WDHD1: variants seen among roughly 807,000 people sequenced by gnomAD.
WDHD1 encodes the protein WD repeat and HMG-box DNA-binding protein 1.
A neutral mutation model predicts 135.4 loss-of-function variants in WDHD1; 111 were observed. The observed-to-expected ratio is 0.82, with a 90% CI of 0.70 to 0.96. The LOEUF (loss-of-function observed/expected upper bound fraction) is 0.96. WDHD1 is among the 40% of genes least tolerant of loss of function. WDHD1 has a pLI of 0.00. For missense variants in WDHD1, 1,351 were observed against 1,336.3 expected (o/e 1.01, Z -0.17); for synonymous variants, 434 against 439.0 (o/e 0.99, Z 0.14).
chr14:54,963,295 A>T, intron 18 of WDHD1, 123 bp from the exon 19 acceptor site: 1 of 739,904 alleles, frequency 1.4e-6, no homozygotes, highest in Non-Finnish European at 2.2e-6. Flanking sequence ...CCTAATTCTA[A>T]GATGCACATT....
intron 24 of WDHD1, among the ~76,000 whole-genome samples, chr14:54,954,109 T>TA (rs1566707675): frequency 1.4e-5 from 2 of 145,434 alleles, no homozygotes; most frequent in African/African-American, 5.2e-5. Context: ...AGCTTAAAAG[T>TA]ATTTAAAAAA....
intron 5 of WDHD1, 77 bp from the exon 6 acceptor site, chr14:55,008,443 A>C (rs886967673): frequency 4.7e-5 from 71 of 1,518,280 alleles, no homozygotes; most frequent in Non-Finnish European, 6.2e-5. Flanking sequence ...TAATTAAATC[A>C]AAAAGCCCTT....
chr14:55,012,524 G>A (rs561738631), intron 3 of WDHD1, among the ~76,000 whole-genome samples: 5 of 152,232 alleles, frequency 3.3e-5, no homozygotes, highest in South Asian at 2.1e-4. Flanking sequence ...AAACATTCCC[G>A]TTTTCTAGAA....
At chr14:54,945,747 G>A (rs2040912480) in intron 24 of WDHD1, among the ~76,000 whole-genome samples, 1 of 152,002 alleles carries the variant, frequency 6.6e-6, no homozygotes, top group Non-Finnish European at 1.5e-5. Flanking sequence ...CACCATATTG[G>A]CCAGGTGGGT....
rs1349564077 is a variant in WDHD1 at position 54,955,678 on chromosome 14, T to C, written c.2933A>G (p.Tyr978Cys). The C allele has an allele frequency of 6.3e-7, 1 of 1,580,884 alleles. No individual in the cohort carries two copies. The highest frequency in any genetic ancestry group is 8.6e-7 in the Non-Finnish European group (1 of 1,167,472). ...AGTTTGAGAATTTCTTTTCTGGAAA[T>C]AGGATGCTGCAGATGCCTATAAAAA... The part of the protein sequence containing the change: ...PKPKQASAAS[Y>C]FQKRNSQTNK... The change falls in exon 24 of 26, where the codon TAT (tyrosine) becomes TGT (cysteine). Residue 978 changes from tyrosine (Y) to cysteine (C), a missense_variant. Tyr to Cys is a radical substitution (Grantham distance 194). Transcript: ENST00000360586.
intron 11 of WDHD1, among the ~76,000 whole-genome samples, chr14:54,995,330 T>C (rs1375330020): frequency 2.0e-5 from 3 of 152,034 alleles, no homozygotes; most frequent in African/African-American, 4.8e-5. Flanking sequence ...ACTTTCTCTA[T>C]AGGTTTTCTG....
At chr14:55,013,774 TG>T (rs2042214843) in intron 2 of WDHD1, among the ~76,000 whole-genome samples, 178 bp from the exon 3 acceptor site, 4 of 152,058 alleles carry the variant, frequency 2.6e-5, no homozygotes, top group Non-Finnish European at 4.4e-5. Context: ...GGCATGGTTA[TG>T]TGTACCTGTA....
At chr14:54,942,208 G>A (rs983170895) in intron 25 of WDHD1, among the ~76,000 whole-genome samples, 10 of 151,788 alleles carry the variant, frequency 6.6e-5, no homozygotes, top group South Asian at 4.2e-4. Flanking sequence ...CTGAGATCAC[G>A]CCACTGCACT....
chr14:54,953,742 A>T (rs1307641042), intron 24 of WDHD1, among the ~76,000 whole-genome samples: 4 of 152,192 alleles, frequency 2.6e-5, no homozygotes, highest in Non-Finnish European at 5.9e-5. Context: ...TCAATGATAG[A>T]CTAGATTAAG....
In WDHD1 at chr14:55,000,553, C is replaced by T; in HGVS notation, c.892G>A (p.Gly298Arg). 3 of 1,608,288 alleles carry T rather than the reference C, an allele frequency of 1.9e-6. No individual in the cohort carries two copies. The highest frequency in any genetic ancestry group is 2.5e-6 in the Non-Finnish European group (3 of 1,177,018). ...GGGTCACAAACATTCTCTAGAAGCC[C>T]TAGATTTCCTTCCGCATCAGTATAC... ...ISYTDAEGNL[G>R]LLENVCDPSG... The change falls in exon 10 of 26, where the codon GGG becomes AGG. Residue 298 changes from glycine (G) to arginine (R), a missense_variant. Gly to Arg is a moderately radical substitution (Grantham distance 125). Coordinates refer to ENST00000360586, the MANE Select transcript of WDHD1 (RefSeq NM_007086.4).
intron 14 of WDHD1, among the ~76,000 whole-genome samples, chr14:54,985,436 A>G (rs1446230416): frequency 6.6e-6 from 1 of 152,222 alleles, no homozygotes; most frequent in Non-Finnish European, 1.5e-5. Context: ...GAGGGCTCGA[A>G]GAACACAAAG....
At chr14:54,970,358 C>A (rs901503219) in intron 16 of WDHD1, among the ~76,000 whole-genome samples, 1 of 152,020 alleles carries the variant, frequency 6.6e-6, no homozygotes. Flanking sequence ...CATTTTTATA[C>A]ACCAATAATG....
chr14:54,977,541 A>T (rs867921437), intron 16 of WDHD1, among the ~76,000 whole-genome samples: 1 of 152,200 alleles, frequency 6.6e-6, no homozygotes, highest in Admixed American at 6.6e-5. Flanking sequence ...CAATAAAGAA[A>T]TATTCTTTAT....
Position 54,967,354 on chromosome 14 carries a change from G to C in WDHD1, c.2104C>G (p.Pro702Ala). ...CKGSRFPPTL[P>A]RPAVAILSFK... ...GATAATATAGCAACAGCAGGGCGTG[G>C]AAGGGTTGGGGGAAACCGAGAACCT... is the stretch of plus-strand genomic sequence containing the variant. The change falls in exon 17 of 26, where the codon CCA becomes GCA. Residue 702 changes from proline (P) to alanine (A), a missense_variant. By Grantham distance (27) the Pro-to-Ala change is conservative. This residue lies in a region of WDHD1 where 1,330 missense variants were observed against 1,296.1 expected (regional missense o/e 1.03). Transcript: ENST00000360586. The C allele has an allele frequency of 6.2e-7, 1 of 1,612,504 alleles. No homozygotes were observed. The highest frequency in any genetic ancestry group is 8.5e-7 in the Non-Finnish European group (1 of 1,178,978).
chr14:54,967,330 A>T lies in WDHD1; in HGVS notation c.2128T>A (p.Ser710Thr). 1 of 1,612,796 alleles carries T rather than the reference A, an allele frequency of 6.2e-7. No homozygotes were observed. The change falls in exon 17 of 26, where the codon TCC (serine) becomes ACC (threonine). Residue 710 changes from serine (S) to threonine (T), a missense_variant. This residue lies in a region of WDHD1 where 1,330 missense variants were observed against 1,296.1 expected (regional missense o/e 1.03). Transcript: ENST00000360586. ...ATCTGACAGTAAGGAAGCTTAAAGG[A>T]TAATATAGCAACAGCAGGGCGTGGA... ...TLPRPAVAILSFKLPYCQIAT... is the reference protein window; with the variant it reads ...TLPRPAVAILTFKLPYCQIAT...
chr14:55,014,496 A>G (rs1440623584), intron 2 of WDHD1, among the ~76,000 whole-genome samples: 1 of 152,224 alleles, frequency 6.6e-6, no homozygotes, highest in Non-Finnish European at 1.5e-5. Context: ...CCCTAGCACC[A>G]AACAGTCTCT....
At position 54,991,417 on chromosome 14, in the gene WDHD1, C is replaced by T; in HGVS notation, c.1154-17G>A. The T allele has an allele frequency of 1.2e-6, 2 of 1,606,710 alleles. No individual in the cohort carries two copies. Among genetic ancestry groups the T allele is most frequent in the Non-Finnish European group, 1.7e-6 (2 of 1,175,158 alleles). ...TTGAAATATCTACAACACAAAGGAT[C>T]ATAATTAAGGGAATCACGAATACCA... On this transcript the variant is annotated splice_polypyrimidine_tract_variant and intron_variant, in intron 11 of 25. Coordinates refer to ENST00000360586, the MANE Select transcript of WDHD1 (RefSeq NM_007086.4).
In WDHD1 at chr14:54,987,332, C is replaced by T. The variant is rs1011237317; in HGVS notation, c.1582G>A (p.Asp528Asn). 7.4e-6 allele frequency: 12 copies of T among 1,613,828 alleles called. No homozygotes were observed. Among genetic ancestry groups the T allele is most frequent in the African/African-American group, 1.3e-5 (1 of 74,854 alleles). Residue 528 changes from aspartate (D) to asparagine (N), a missense_variant, in exon 14 of 26, where the codon GAC (aspartate) becomes AAC (asparagine). Physicochemically the swap from Asp to Asn is conservative, Grantham distance 23. Transcript: ENST00000360586. ...SWDSSKEWII[D>N]LPQNEDIEAI... is the part of the protein sequence containing the mutation. Reference sequence around the variant, plus strand: ...TCAATATCCTCATTCTGAGGCAAGTCTATTATCCACTCTTTGCTTGAATCC... The same window carrying T: ...TCAATATCCTCATTCTGAGGCAAGTTTATTATCCACTCTTTGCTTGAATCC...
chr14:54,984,927 T>G (rs1827446149), intron 14 of WDHD1, 67 bp from the exon 15 acceptor site: 1 of 1,570,804 alleles, frequency 6.4e-7, no homozygotes, highest in African/African-American at 1.4e-5. Flanking sequence ...GTCTAAATTA[T>G]TTTCTGTGAA....
Sources: allele counts gnomAD v4.1 joint callset (sites outside exome capture counted in the v4.1 genomes callset), GRCh38; gene constraint gnomAD v4.1.1; regional missense constraint gnomAD v4.1.1; transcripts MANE v1.5; gene names NCBI Gene and HGNC (gene_info 2026-07-23, HGNC 2026-07-21).